Variants in SLC35F3 observed in about 807,000 individuals in gnomAD.
SLC35F3 encodes the protein putative thiamine transporter SLC35F3.
Under a neutral mutation model 49.9 loss-of-function variants are expected in SLC35F3, and 25 were observed. The observed-to-expected ratio is 0.50, with a 90% CI of 0.37 to 0.70. SLC35F3 has a LOEUF of 0.70. Ranked by LOEUF, SLC35F3 falls within the 30% of genes least tolerant of loss-of-function variation. The probability of loss-of-function intolerance (pLI) is 0.00; values close to 1 mark genes in which losing one functional copy is unlikely to be tolerated. For missense variants in SLC35F3, 525 were observed against 639.8 expected, an observed-to-expected ratio of 0.82 and a Z score of 1.94; for synonymous variants, 275 against 265.4, an observed-to-expected ratio of 1.04 and a Z score of -0.35.
intron 2 of SLC35F3, among the ~76,000 whole-genome samples, chr1:234,076,376 T>C (rs1256790686): frequency 6.6e-6 from 1 of 151,890 alleles, no homozygotes; most frequent in African/African-American, 2.4e-5. Context: ...GGTGAGAGGA[T>C]CACTTGAGCC....
At chr1:234,295,114 G>A (rs1047478253) in intron 3 of SLC35F3, among the ~76,000 whole-genome samples, 2 of 152,234 alleles carry the variant, frequency 1.3e-5, no homozygotes, top group African/African-American at 4.8e-5. Context: ...GCTGGGCCCT[G>A]TGATGGCAGC....
rs117718594 is a variant in SLC35F3 at position 234,315,125 on chromosome 1, A to G, written c.829-1477A>G. 6.2e-4 allele frequency among the ~76,000 whole-genome samples: 94 copies of G among 152,320 alleles called. 1 individual carries two copies. The East Asian group carries it at 0.012, about 20-fold the overall frequency. On this transcript the variant is annotated intron_variant, in intron 4 of 7. Coordinates refer to ENST00000366618, the MANE Select transcript of SLC35F3 (RefSeq NM_173508.4). ...ATGCAAAACGGTGTGGCTGACTACA[A>G]GTGAATTCCCATACCAGAAAGAACA...
chr1:234,025,172 G>T (rs1400743676), intron 2 of SLC35F3, among the ~76,000 whole-genome samples: 2 of 152,228 alleles, frequency 1.3e-5, no homozygotes, highest in Non-Finnish European at 2.9e-5. Context: ...TGGCTGTGTA[G>T]TACTCCATGG....
At chr1:234,103,197 T>G (rs772619246) in intron 2 of SLC35F3, among the ~76,000 whole-genome samples, 1 of 152,230 alleles carries the variant, frequency 6.6e-6, no homozygotes, top group Non-Finnish European at 1.5e-5. Flanking sequence ...AAGGTGCAGC[T>G]GCCTGGCTAT....
At chr1:234,297,924 G>C (rs530638914) in intron 3 of SLC35F3, among the ~76,000 whole-genome samples, 1 of 152,202 alleles carries the variant, frequency 6.6e-6, no homozygotes, top group South Asian at 2.1e-4. Flanking sequence ...TCATACTGTG[G>C]CATATACTTA....
At chr1:234,197,614 G>A (rs1666833202) in intron 2 of SLC35F3, among the ~76,000 whole-genome samples, 1 of 152,216 alleles carries the variant, frequency 6.6e-6, no homozygotes, top group Non-Finnish European at 1.5e-5. Context: ...AGGGTGCTGG[G>A]GGAAGTGAGA....
chr1:234,219,951 G>A lies in SLC35F3; in HGVS notation c.284-11466G>A, dbSNP rs147109377. Among the ~76,000 whole-genome samples, 609 of 152,312 alleles carry A rather than the reference G, an allele frequency of 4.0e-3. 3 individuals are homozygous for A. The highest frequency in any genetic ancestry group is 0.014 in the African/African-American group (577 of 41,564). On this transcript the variant is annotated intron_variant, in intron 2 of 7. Transcript: ENST00000366618. ...AGGCGCAGAGCTAGGAGAGGGTGGC[G>A]CTGGGAGACCAGCAGGCAGTCTACT... is the stretch of plus-strand genomic sequence containing the variant.
At chr1:234,190,424 TATATC>T (rs1251533393) in intron 2 of SLC35F3, among the ~76,000 whole-genome samples, 1 of 152,170 alleles carries the variant, frequency 6.6e-6, no homozygotes, top group African/African-American at 2.4e-5. Flanking sequence ...TAGCTATTCT[TATATC>T]AGACAAAACA....
chr1:234,319,457 C>T (rs1181248144), intron 6 of SLC35F3, among the ~76,000 whole-genome samples: 1 of 152,176 alleles, frequency 6.6e-6, no homozygotes, highest in Non-Finnish European at 1.5e-5. Flanking sequence ...AATCCCAGCA[C>T]TTTGGGAGGC....
intron 2 of SLC35F3, among the ~76,000 whole-genome samples, chr1:233,963,623 AG>A (rs1331437816): frequency 1.3e-5 from 2 of 152,076 alleles, no homozygotes; most frequent in African/African-American, 4.8e-5. Flanking sequence ...AGCTTTCTTT[AG>A]TGTTTGGCGC....
At chr1:233,925,112 G>A (rs1025823934) in intron 2 of SLC35F3, among the ~76,000 whole-genome samples, 1 of 152,198 alleles carries the variant, frequency 6.6e-6, no homozygotes, top group Non-Finnish European at 1.5e-5. Context: ...ATATTCTGTT[G>A]ATTTGGGGTG....
chr1:234,152,565 T>C (rs1666092388), intron 2 of SLC35F3, among the ~76,000 whole-genome samples: 1 of 152,218 alleles, frequency 6.6e-6, no homozygotes, highest in East Asian at 1.9e-4. Context: ...ACTCATCCTT[T>C]TTTATGATTG....
chr1:233,935,314 A>G (rs971582116), intron 2 of SLC35F3, among the ~76,000 whole-genome samples: 6 of 150,660 alleles, frequency 4.0e-5, no homozygotes, highest in Non-Finnish European at 8.8e-5. Flanking sequence ...GTGGACACAC[A>G]TCTTTTTGTG....
At chr1:234,131,545 T>C (rs1665736854) in intron 2 of SLC35F3, among the ~76,000 whole-genome samples, 1 of 151,984 alleles carries the variant, frequency 6.6e-6, no homozygotes, top group Non-Finnish European at 1.5e-5. Context: ...TAAGCCAAGG[T>C]CAAAAGTAAA....
chr1:234,095,220 A>C (rs1250386999), intron 2 of SLC35F3, among the ~76,000 whole-genome samples: 2 of 152,246 alleles, frequency 1.3e-5, no homozygotes, highest in African/African-American at 2.4e-5. Context: ...GAAGAGCACC[A>C]GGGGCCTCCA....
chr1:234,274,825 C>T lies in SLC35F3; in HGVS notation c.609-34276C>T, dbSNP rs570103923. ...CAGACAGAATTCTGCATTTCAAGGA[C>T]TCTATTTCTGTCTTAAAAGTGGCAT... is the stretch of plus-strand genomic sequence containing the variant. On this transcript the variant is annotated intron_variant, in intron 3 of 7. Transcript: ENST00000366618. Among the ~76,000 whole-genome samples the T allele has an allele frequency of 2.6e-5, 4 of 152,298 alleles. No individual in the cohort carries two copies. The East Asian group carries it at 7.7e-4, about 29-fold the overall frequency.
rs548305541 is a variant in SLC35F3 at position 234,179,680 on chromosome 1, A to C, written c.284-51737A>C. ...GAGTTGAAACACATCTAAGGAAAAG[A>C]AAGGGTTTTATGAGCCAAGGACATG... On this transcript the variant is annotated intron_variant, in intron 2 of 7. Coordinates refer to ENST00000366618, the MANE Select transcript of SLC35F3 (RefSeq NM_173508.4). Among the ~76,000 whole-genome samples, 54 of 152,294 alleles carry C rather than the reference A, an allele frequency of 3.5e-4. No homozygotes were observed. In the South Asian group the frequency reaches 7.9e-3, roughly 22 times the overall value.
At chr1:234,243,689 G>A (rs1212995053) in intron 3 of SLC35F3, among the ~76,000 whole-genome samples, 2 of 152,242 alleles carry the variant, frequency 1.3e-5, no homozygotes, top group African/African-American at 4.8e-5. Flanking sequence ...AGCCACTGGT[G>A]TCCCGTTTGA....
chr1:233,924,401 A>G (rs998245933), intron 2 of SLC35F3, among the ~76,000 whole-genome samples: 7 of 152,104 alleles, frequency 4.6e-5, no homozygotes, highest in African/African-American at 1.2e-4. Context: ...GAATTTATCA[A>G]TTTCTTCTAG....
Sources: gnomAD v4.1 joint callset for allele counts (sites outside exome capture counted in the v4.1 genomes callset) on GRCh38, gnomAD v4.1.1 for gene constraint, MANE v1.5 for transcripts, NCBI Gene and HGNC (gene_info 2026-07-23, HGNC 2026-07-21) for gene names.